RAB33B: variants seen among roughly 807,000 people sequenced by gnomAD.
RAB33B encodes the protein ras-related protein Rab-33B.
A neutral mutation model predicts 15.0 loss-of-function variants in RAB33B; 6 were observed. The ratio of observed to expected loss-of-function variants is 0.40; its 90% CI spans 0.22 to 0.79. The LOEUF (loss-of-function observed/expected upper bound fraction) is 0.79, where lower values mean the gene tolerates loss of function less well. RAB33B is among the 30% of genes least tolerant of loss of function. The probability of loss-of-function intolerance (pLI) is 0.37; values close to 1 mark genes in which losing one functional copy is unlikely to be tolerated. For missense variants in RAB33B, 257 were observed against 296.4 expected (o/e 0.87, Z 0.98); for synonymous variants, 117 against 108.3 (o/e 1.08, Z -0.50).
At chr4:139,467,297 G>GC (rs1300608173) in intron 1 of RAB33B, among the ~76,000 whole-genome samples, 130 of 84,672 alleles carry the variant, frequency 1.5e-3, no homozygotes, top group African/African-American at 4.7e-3. Context: ...TCCCCACCAC[G>GC]CCCCCCGCCG....
At chr4:139,438,535 G>C in the RAB33B span, among the ~76,000 whole-genome samples, 1 of 151,980 alleles carries the variant, frequency 6.6e-6, no homozygotes, top group Non-Finnish European at 1.5e-5. Context: ...GCTGCCCAAG[G>C]CTGCCTTATA....
intron 1 of RAB33B, among the ~76,000 whole-genome samples, chr4:139,458,041 T>G (rs1264691776): frequency 6.6e-6 from 1 of 152,248 alleles, no homozygotes; most frequent in Non-Finnish European, 1.5e-5. Flanking sequence ...TTAATCTATT[T>G]TGTACATTGT....
the RAB33B span, among the ~76,000 whole-genome samples, chr4:139,448,231 C>G: frequency 6.6e-6 from 1 of 152,092 alleles, no homozygotes; most frequent in Non-Finnish European, 1.5e-5. Context: ...GGTTACGCCA[C>G]CAGGAAAAAA....
rs1185136823 is a variant in RAB33B at position 139,475,391 on chromosome 4, C to T, written c.*2265C>T. The T allele has an allele frequency of 6.6e-6, 1 of 151,776 alleles. No homozygotes were observed. The highest frequency in any genetic ancestry group is 1.5e-5 in the Non-Finnish European group (1 of 67,876). The allele number at this position is 151,776 out of a possible 1,614,324, so 9.4% of individuals were successfully genotyped here. A position where few individuals can be genotyped will look rare whatever the true frequency, so the allele number is the denominator to read the frequency against. On this transcript the variant is annotated 3_prime_UTR_variant, in exon 2 of 2. Coordinates refer to ENST00000305626, the MANE Select transcript of RAB33B (RefSeq NM_031296.3). The stretch of plus-strand genomic sequence containing the variant: ...TTTTTGTAAGGAATTAAGTAATATC[C>T]TTTACAGTTCTGTGAAAGGACTTAT...
At chr4:139,445,642 G>T in the RAB33B span, among the ~76,000 whole-genome samples, 2 of 152,160 alleles carry the variant, frequency 1.3e-5, no homozygotes, top group Admixed American at 6.6e-5. Context: ...TCCTCATTTC[G>T]GTGTGTTACT....
rs79255141 is a variant in RAB33B, at chr4:139,463,024, G to A, written c.249+8580G>A. Among the ~76,000 whole-genome samples the A allele has an allele frequency of 9.2e-3, 1,398 of 152,180 alleles. 16 individuals carry two copies. The highest frequency in any genetic ancestry group is 0.032 in the African/African-American group (1,311 of 41,496). On this transcript the variant is annotated intron_variant, in intron 1 of 1. Transcript: ENST00000305626. ...CTACAAAAAACACAAAAATTAACTG[G>A]GTGTGGTGACACACTCCTGTAGTCG...
the RAB33B span, among the ~76,000 whole-genome samples, chr4:139,447,658 CTTTTTTTTTTT>C: frequency 1.2e-5 from 1 of 85,698 alleles, no homozygotes; most frequent in African/African-American, 4.7e-5. Context: ...CAGTCTACTA[CTTTTTTTTTTT>C]TTTTTTTTTT....
At chr4:139,471,228 C>T (rs1332132971) in intron 1 of RAB33B, among the ~76,000 whole-genome samples, 1 of 152,150 alleles carries the variant, frequency 6.6e-6, no homozygotes, top group African/African-American at 2.4e-5. Context: ...GGTGGTTCCC[C>T]TCTGGCTGGG....
rs898304368 is a variant in RAB33B at position 139,474,358 on chromosome 4, A to G, written c.*1232A>G. 2 of 152,238 alleles carry G rather than the reference A, an allele frequency of 1.3e-5. No individual in the cohort carries two copies. Among genetic ancestry groups the G allele is most frequent in the African/African-American group, 4.8e-5 (2 of 41,462 alleles). The allele number at this position is 152,238 out of a possible 1,614,324, so 9.4% of individuals were successfully genotyped here. A position where few individuals can be genotyped will look rare whatever the true frequency, so the allele number is the denominator to read the frequency against. ...ATGAAGAGTTGTAACTTGGGGGAAA[A>G]TAGGTAAACATAGCTTCTAGCTAAC... On this transcript the variant is annotated 3_prime_UTR_variant, in exon 2 of 2. Coordinates refer to ENST00000305626, the MANE Select transcript of RAB33B (RefSeq NM_031296.3).
chr4:139,448,471 G>C (rs1749864452), upstream of RAB33B: 2 of 152,068 alleles, frequency 1.3e-5, no homozygotes, highest in African/African-American at 4.8e-5. Context: ...CCTTGCTCTT[G>C]TTGCCCAGTC....
the RAB33B span, among the ~76,000 whole-genome samples, chr4:139,441,434 A>G: frequency 2.0e-5 from 3 of 152,198 alleles, no homozygotes; most frequent in Non-Finnish European, 2.9e-5. Flanking sequence ...TTTATTTTCT[A>G]AGGGACTCAG....
At chr4:139,445,984 C>G in the RAB33B span, among the ~76,000 whole-genome samples, 4 of 152,186 alleles carry the variant, frequency 2.6e-5, no homozygotes, top group African/African-American at 9.6e-5. Context: ...TATGTGTCAT[C>G]AAGTCACCAT....
At chr4:139,443,424 A>T in the RAB33B span, among the ~76,000 whole-genome samples, 12 of 152,202 alleles carry the variant, frequency 7.9e-5, no homozygotes, top group African/African-American at 2.9e-4. Flanking sequence ...AAAGGAACAT[A>T]ATTAAGTTGG....
rs1412574587 is a variant in RAB33B at position 139,475,470 on chromosome 4, ATTTGT to A, written c.*2348_*2352del. ...AAATATTTGTATCTCATTTGTAACA[ATTTGT>A]TTTAATTTTTTATATATATGTTTTT... On this transcript the variant is annotated 3_prime_UTR_variant, in exon 2 of 2. Transcript: ENST00000305626. 6.6e-6 allele frequency: 1 copy of A among 151,920 alleles called. No individual in the cohort carries two copies. Among genetic ancestry groups the A allele is most frequent in the Non-Finnish European group, 1.5e-5 (1 of 67,886 alleles). 9.4% of individuals were successfully genotyped at this position (151,920 alleles called of 1,614,324 possible).
chr4:139,470,018 G>A (rs556271107), intron 1 of RAB33B, among the ~76,000 whole-genome samples: 14 of 152,264 alleles, frequency 9.2e-5, no homozygotes, highest in African/African-American at 3.4e-4. Flanking sequence ...AAAGCAGTGT[G>A]TCTCACCCAA....
chr4:139,440,760 T>C, the RAB33B span, among the ~76,000 whole-genome samples: 7 of 152,102 alleles, frequency 4.6e-5, no homozygotes, highest in East Asian at 1.4e-3. Flanking sequence ...CTACAGGCAT[T>C]CACCACCACG....
At chr4:139,443,273 T>G in the RAB33B span, among the ~76,000 whole-genome samples, 1 of 152,164 alleles carries the variant, frequency 6.6e-6, no homozygotes, top group Non-Finnish European at 1.5e-5. Flanking sequence ...ATTACAGGCT[T>G]GAGCCACCGC....
the RAB33B span, among the ~76,000 whole-genome samples, chr4:139,440,714 G>T: frequency 6.6e-6 from 1 of 151,782 alleles, no homozygotes; most frequent in Admixed American, 6.6e-5. Flanking sequence ...CCAGATTCAA[G>T]TGGTTCTCCT....
At chr4:139,438,794 T>C in the RAB33B span, among the ~76,000 whole-genome samples, 1 of 152,232 alleles carries the variant, frequency 6.6e-6, no homozygotes, top group Non-Finnish European at 1.5e-5. Context: ...ATTGTTACAA[T>C]AATACTAGCT....
Sources: allele counts gnomAD v4.1 joint callset (sites outside exome capture counted in the v4.1 genomes callset), GRCh38; gene constraint gnomAD v4.1.1; transcripts MANE v1.5; gene names NCBI Gene and HGNC (gene_info 2026-07-23, HGNC 2026-07-21).